Variants in C2orf74 observed in about 807,000 individuals in gnomAD.
C2orf74 encodes the protein uncharacterized protein C2orf74.
Under a neutral mutation model 17.9 loss-of-function variants are expected in C2orf74, and 14 were observed. The ratio of observed to expected loss-of-function variants is 0.78; its 90% CI spans 0.52 to 1.22. C2orf74 has a LOEUF of 1.22. Ranked by LOEUF, C2orf74 falls within the 50% of genes most tolerant of loss-of-function variation. The pLI is 0.00. For synonymous variants in C2orf74, 79 were observed against 72.6 expected, an observed-to-expected ratio of 1.09 and a Z score of -0.44; for missense variants, 217 against 218.4, an observed-to-expected ratio of 0.99 and a Z score of 0.04.
chr2:61,154,782 A>AGG (rs1353333398), intron 1 of C2orf74, among the ~76,000 whole-genome samples: 1 of 152,088 alleles, frequency 6.6e-6, no homozygotes, highest in Non-Finnish European at 1.5e-5. Flanking sequence ...AGGCTGGGCT[A>AGG]GGTGGCTCAT....
Position 61,164,402 on chromosome 2 carries a change from G to C in C2orf74, c.439G>C (p.Val147Leu), listed in dbSNP as rs1685665455. 1 of 1,550,546 alleles carries C rather than the reference G, an allele frequency of 6.4e-7. No homozygotes were observed. The highest frequency in any genetic ancestry group is 8.7e-7 in the Non-Finnish European group (1 of 1,146,654). ...IHTSVTRTPS[V>L]VESQKRPLKG... ...CACATCTGTCACTAGAACTCCTTCA[G>C]TTGTTGAAAGCCAAAAAAGACCTTT... Residue 147 changes from valine (V) to leucine (L), a missense_variant, in exon 5 of 5, where the codon GTT (valine) becomes CTT (leucine). Val to Leu is a conservative substitution (Grantham distance 32). Transcript: ENST00000432605.
At chr2:61,147,554 C>T (rs1311586329) in intron 1 of C2orf74, among the ~76,000 whole-genome samples, 1 of 152,058 alleles carries the variant, frequency 6.6e-6, no homozygotes, top group East Asian at 1.9e-4. Context: ...TAAAATATTA[C>T]CTGATTTTGT....
intron 4 of C2orf74, among the ~76,000 whole-genome samples, chr2:61,163,937 C>G (rs1306387864): frequency 6.6e-6 from 1 of 152,080 alleles, no homozygotes; most frequent in Non-Finnish European, 1.5e-5. Flanking sequence ...TGTGGCCAAG[C>G]TCAGGCCCAG....
rs983737174 is a variant in C2orf74, at chr2:61,148,621, G to T, written c.-122+3425G>T. Among the ~76,000 whole-genome samples, 4 of 152,214 alleles carry T rather than the reference G, an allele frequency of 2.6e-5. No individual in the cohort carries two copies. In the South Asian group the frequency reaches 8.3e-4, roughly 32 times the overall value. On this transcript the variant is annotated intron_variant, in intron 1 of 3. Coordinates refer to the C2orf74 transcript ENST00000426997. The stretch of plus-strand genomic sequence containing the variant: ...GGATATCCTCTTGCGTGAAATGCCT[G>T]TTCAAGACTTTTGCCCATTTTCTAT...
intron 1 of C2orf74, among the ~76,000 whole-genome samples, chr2:61,147,702 C>T (rs1008219322): frequency 9.9e-5 from 15 of 152,068 alleles, no homozygotes; most frequent in Non-Finnish European, 2.2e-4. Flanking sequence ...ATATTCTATA[C>T]GTTGATCCTT....
At chr2:61,157,970 G>C (rs1729671), upstream of C2orf74, 184,938 of 470,550 alleles carry the variant, frequency 0.39, 37,859 homozygotes, top group Middle Eastern at 0.49. Flanking sequence ...ACCACGAGTG[G>C]ACACCCTCTG....
At chr2:61,158,613 G>A (rs572040860), upstream of C2orf74, among the ~76,000 whole-genome samples, 26 of 152,174 alleles carry the variant, frequency 1.7e-4, no homozygotes, top group Non-Finnish European at 3.4e-4. Context: ...CAGCTGAGGT[G>A]AACAGGAGAT....
At chr2:61,163,464 C>G (rs746825700) in intron 4 of C2orf74, among the ~76,000 whole-genome samples, 177 of 151,716 alleles carry the variant, frequency 1.2e-3, no homozygotes, top group Middle Eastern at 3.4e-3. Context: ...ATTAGCTGGG[C>G]GTGGTGGCAC....
chr2:61,160,665 C>T (rs940925246), upstream of C2orf74, among the ~76,000 whole-genome samples: 2 of 151,890 alleles, frequency 1.3e-5, no homozygotes, highest in Admixed American at 6.6e-5. Flanking sequence ...TCCGCCACCA[C>T]GCCCAGCTAG....
intron 1 of C2orf74, among the ~76,000 whole-genome samples, chr2:61,149,063 C>T (rs560088706): frequency 3.9e-5 from 6 of 152,328 alleles, no homozygotes; most frequent in African/African-American, 1.4e-4. Context: ...TGTCTAACCT[C>T]CTGGTACAAA....
In C2orf74 at chr2:61,164,337, G is replaced by C. The variant is rs1386364795; in HGVS notation, c.391-17G>C. On this transcript the variant is annotated splice_polypyrimidine_tract_variant and intron_variant, in intron 4 of 4. Transcript: ENST00000432605. ...AATTGATTATTTGTTTATATTGTTTGTCCCATTCTCTTGCAGGATGATGGT... is the reference window on the plus strand; with the variant it reads ...AATTGATTATTTGTTTATATTGTTTCTCCCATTCTCTTGCAGGATGATGGT... The C allele has an allele frequency of 1.3e-6, 2 of 1,519,562 alleles. No individual in the cohort carries two copies. Among genetic ancestry groups the C allele is most frequent in the East Asian group, 5.0e-5 (2 of 39,972 alleles). 94.1% of individuals were successfully genotyped at this position (1,519,562 alleles called of 1,614,324 possible).
intron 4 of C2orf74, among the ~76,000 whole-genome samples, chr2:61,164,084 C>T (rs570090290): frequency 2.0e-5 from 3 of 152,160 alleles, no homozygotes; most frequent in South Asian, 2.1e-4. Context: ...GCCCGGTTGA[C>T]GACAGAATGA....
At chr2:61,149,767 A>T (rs934421391) in intron 1 of C2orf74, among the ~76,000 whole-genome samples, 1 of 151,688 alleles carries the variant, frequency 6.6e-6, no homozygotes, top group Admixed American at 6.6e-5. Context: ...TTTAGTAAAG[A>T]TGGGGTCCTC....
intron 1 of C2orf74, among the ~76,000 whole-genome samples, chr2:61,146,534 A>G (rs116283726): frequency 0.019 from 2,959 of 152,278 alleles, 111 homozygotes; most frequent in African/African-American, 0.067. Context: ...AAAGCTAGAA[A>G]CATATAATAT....
intron 1 of C2orf74, among the ~76,000 whole-genome samples, chr2:61,146,575 C>T (rs969095986): frequency 6.6e-6 from 1 of 152,130 alleles, no homozygotes; most frequent in African/African-American, 2.4e-5. Flanking sequence ...GTGGCTCATG[C>T]TTGTAATCCC....
rs1265298443 is a variant in C2orf74 at position 61,162,593 on chromosome 2, GT to G, written c.86del (p.Leu29TyrfsTer25). 3.9e-6 allele frequency: 6 copies of G among 1,541,760 alleles called. No homozygotes were observed. The highest frequency in any genetic ancestry group is 2.0e-5 in the Admixed American group (1 of 50,806). On this transcript the variant is annotated frameshift_variant, in exon 2 of 5. Transcript: ENST00000432605. LOFTEE classifies it high-confidence loss of function. ...CATTTGCATCCTCCTCTTATTGGTG[GT>G]TTTTTTATATAAATGGTATAAATCC... ...CLICILLLLVVFLYKCFQGRK... is the reference protein window; with the variant it reads ...CLICILLLLVXFLYKCFQGRK...
At chr2:61,150,897 A>C (rs1685205440) in intron 1 of C2orf74, among the ~76,000 whole-genome samples, 1 of 152,208 alleles carries the variant, frequency 6.6e-6, no homozygotes. Context: ...TGTGCTGGCC[A>C]GATGGAGTAG....
In C2orf74 at chr2:61,164,588, G is replaced by A; in HGVS notation, c.*61G>A. On this transcript the variant is annotated 3_prime_UTR_variant, in exon 5 of 5. Transcript: ENST00000432605. ...CGTTTGACTAACGTTGAAAGACTGA[G>A]GGTACAAAATCATGTTGAAACAACA... 1 of 1,289,238 alleles carries A rather than the reference G, an allele frequency of 7.8e-7. No individual in the cohort carries two copies. Among genetic ancestry groups the A allele is most frequent in the Non-Finnish European group, 1.0e-6 (1 of 974,960 alleles). 79.9% of individuals were successfully genotyped at this position (1,289,238 alleles called of 1,614,324 possible). A position where few individuals can be genotyped will look rare whatever the true frequency, so the allele number is the denominator to read the frequency against.
intron 2 of C2orf74, 76 bp downstream of exon 2, chr2:61,162,685 A>AT (rs952202226): frequency 8.4e-5 from 94 of 1,118,028 alleles, no homozygotes; most frequent in Non-Finnish European, 1.1e-4. Context: ...ATGTAAAACA[A>AT]TTTAAAACAG....
Sources: allele counts gnomAD v4.1 joint callset (sites outside exome capture counted in the v4.1 genomes callset), GRCh38; gene constraint gnomAD v4.1.1; transcripts MANE v1.5; gene names NCBI Gene and HGNC (gene_info 2026-07-23, HGNC 2026-07-21).